The following ZKSCAN5 variants were observed in gnomAD, a reference collection of about 807,000 sequenced individuals.
ZKSCAN5 encodes zinc finger protein with KRAB and SCAN domains 5.
Under a neutral mutation model 60.0 loss-of-function variants are expected in ZKSCAN5, and 28 were observed. The observed-to-expected ratio is 0.47, with a 90% CI of 0.35 to 0.64. The LOEUF (loss-of-function observed/expected upper bound fraction) is 0.64, where lower values mean the gene tolerates loss of function less well. Ranked by LOEUF, ZKSCAN5 falls within the 30% of genes least tolerant of loss-of-function variation. The pLI is 0.01. For missense variants in ZKSCAN5, 881 were observed against 1,034.6 expected, an observed-to-expected ratio of 0.85 and a Z score of 2.04; for synonymous variants, 361 against 371.2, an observed-to-expected ratio of 0.97 and a Z score of 0.31.
At chr7:99,505,976 A>T (rs1800703379) in intron 1 of ZKSCAN5, 29 bp from the exon 2 acceptor site, 2 of 1,547,716 alleles carry the variant, frequency 1.3e-6, no homozygotes, top group Non-Finnish European at 1.8e-6. Flanking sequence ...TTCAGAAGAT[A>T]TTAAAGAGCA....
rs1429586236 is a variant in ZKSCAN5 at position 99,520,719 on chromosome 7, G to T, written c.772+415G>T. ...ACTGTTTAATAGATTGGATAATTTT[G>T]CCAGGTGTGGTAGCTCATGCCTGTA... On this transcript the variant is annotated intron_variant, in intron 5 of 6. Transcript: ENST00000326775. Among the ~76,000 whole-genome samples the T allele has an allele frequency of 3.3e-5, 5 of 152,070 alleles. No individual in the cohort carries two copies. The South Asian group carries it at 1.0e-3, about 31-fold the overall frequency.
chr7:99,528,376 C>T (rs1038588405), intron 6 of ZKSCAN5, among the ~76,000 whole-genome samples: 2 of 152,144 alleles, frequency 1.3e-5, no homozygotes, highest in African/African-American at 4.8e-5. Flanking sequence ...GTTTCTATGG[C>T]TAGTTTCCCA....
Position 99,526,402 on chromosome 7 carries a change from G to A in ZKSCAN5, c.1362G>A (p.Arg454=). 6.3e-7 allele frequency: 1 copy of A among 1,599,570 alleles called. No individual in the cohort carries two copies. The highest frequency in any genetic ancestry group is 8.5e-7 in the Non-Finnish European group (1 of 1,179,384). Residue 454 remains arginine (R), a synonymous_variant, in exon 6 of 7, where the codon AGG becomes AGA. Transcript: ENST00000326775. The part of the protein sequence containing the change: ...HLIEHLKRHF[R]EKSQRCSDKR... The stretch of plus-strand genomic sequence containing the variant: ...TCGAACACCTAAAACGCCACTTCAG[G>A]GAGAAATCCCAGAGATGTACGTGTG...
intron 6 of ZKSCAN5, among the ~76,000 whole-genome samples, 192 bp downstream of exon 6, chr7:99,526,610 A>C (rs1801806246): frequency 6.6e-6 from 1 of 152,176 alleles, no homozygotes; most frequent in Admixed American, 6.5e-5. Flanking sequence ...GCTGGAGTGC[A>C]GTGGCGAGAT....
intron 3 of ZKSCAN5, among the ~76,000 whole-genome samples, chr7:99,518,237 G>C (rs946151772): frequency 6.6e-6 from 1 of 151,898 alleles, no homozygotes; most frequent in African/African-American, 2.4e-5. Context: ...CCTGGACAAC[G>C]TGGTGACACC....
Position 99,510,990 on chromosome 7 carries a change from C to T in ZKSCAN5, c.415-1463C>T, listed in dbSNP as rs550161108. Among the ~76,000 whole-genome samples, 13 of 152,266 alleles carry T rather than the reference C, an allele frequency of 8.5e-5. No homozygotes were observed. In the South Asian group the frequency reaches 1.7e-3, roughly 19 times the overall value. On this transcript the variant is annotated intron_variant, in intron 2 of 6. Coordinates refer to ENST00000326775, the MANE Select transcript of ZKSCAN5 (RefSeq NM_145102.4). ...AACTCCTGAGCTCAAGTCATCCACC[C>T]GCTTCTGCCTCCCAATGTGTTGGGA...
chr7:99,513,297 A>G (rs1481460609), intron 3 of ZKSCAN5, among the ~76,000 whole-genome samples: 3 of 152,050 alleles, frequency 2.0e-5, no homozygotes, highest in Non-Finnish European at 2.9e-5. Flanking sequence ...TTAAAAACCT[A>G]CAACGCAAAT....
At position 99,525,905 on chromosome 7, in the gene ZKSCAN5, A is replaced by G. The variant is rs747017553; in HGVS notation, c.865A>G (p.Ser289Gly). The G allele has an allele frequency of 6.2e-7, 1 of 1,614,056 alleles. No individual in the cohort carries two copies. The highest frequency in any genetic ancestry group is 1.7e-5 in the Admixed American group (1 of 59,982). ...GGTGGCGCCAGAACACACCGAAAGG[A>G]GCGTTCCTCAGGATCCAGACTTTGC... is the stretch of plus-strand genomic sequence containing the variant. Reference protein sequence around the residue: ...HWVAPEHTERSVPQDPDFAEV... With the variant: ...HWVAPEHTERGVPQDPDFAEV... Residue 289 changes from serine (S) to glycine (G), a missense_variant, in exon 6 of 7, where the codon AGC becomes GGC. By Grantham distance (56) the Ser-to-Gly change is moderately conservative. Around this residue, in one of 5 missense-constraint regions of ZKSCAN5, gnomAD observed 490 missense variants for 554.5 expected, o/e 0.88. Transcript: ENST00000326775.
chr7:99,509,185 C>T (rs150271359), intron 2 of ZKSCAN5, among the ~76,000 whole-genome samples: 43 of 152,182 alleles, frequency 2.8e-4, no homozygotes, highest in African/African-American at 9.4e-4. Flanking sequence ...GACAGGGTTT[C>T]GCCATGTTGG....
chr7:99,533,598 G>A lies in ZKSCAN5; in HGVS notation c.*1349G>A. On this transcript the variant is annotated 3_prime_UTR_variant, in exon 7 of 7. Coordinates refer to ENST00000326775, the MANE Select transcript of ZKSCAN5 (RefSeq NM_145102.4). ...GGAGAATTGCCCTCAGGAGATGAGA[G>A]CCATCTCACCTCACCCAGGAGTCAC... The A allele has an allele frequency of 2.5e-6, 1 of 407,532 alleles. No individual in the cohort carries two copies. The highest frequency in any genetic ancestry group is 3.5e-5 in the East Asian group (1 of 28,418). 25.2% of individuals were successfully genotyped at this position (407,532 alleles called of 1,614,324 possible).
At chr7:99,506,849 ATTTT>A (rs34098119) in intron 2 of ZKSCAN5, among the ~76,000 whole-genome samples, 1 of 125,920 alleles carries the variant, frequency 7.9e-6, no homozygotes, top group Admixed American at 8.0e-5. Flanking sequence ...GGCCCGGCTA[ATTTT>A]TTTTTTTTTT....
chr7:99,515,489 ATCCT>A (rs1801224014), intron 3 of ZKSCAN5, among the ~76,000 whole-genome samples: 1 of 152,136 alleles, frequency 6.6e-6, no homozygotes, highest in African/African-American at 2.4e-5. Context: ...CCAACAGGTA[ATCCT>A]TCCAGTAGCT....
chr7:99,525,952 C>A lies in ZKSCAN5; in HGVS notation c.912C>A (p.Gly304=), dbSNP rs1301948341. ...PDFAEVSDLK[G]MVQRWQVNPT... ...TTGCAGAAGTCAGTGACCTTAAAGG[C>A]ATGGTACAAAGGTGGCAGGTCAACC... Residue 304 remains glycine, a synonymous_variant, in exon 6 of 7, where the codon GGC becomes GGA. Transcript: ENST00000326775. 2 of 1,614,038 alleles carry A rather than the reference C, an allele frequency of 1.2e-6. No homozygotes were observed. Among genetic ancestry groups the A allele is most frequent in the East Asian group, 2.2e-5 (1 of 44,858 alleles).
At chr7:99,526,520 G>A (rs774379876) in intron 6 of ZKSCAN5, 102 bp downstream of exon 6, 23 of 1,493,054 alleles carry the variant, frequency 1.5e-5, no homozygotes, top group African/African-American at 9.8e-5. Flanking sequence ...GATACTGGGG[G>A]GGGTAGGAAG....
intron 2 of ZKSCAN5, among the ~76,000 whole-genome samples, chr7:99,511,107 A>G (rs1801002703): frequency 6.6e-6 from 1 of 152,198 alleles, no homozygotes; most frequent in African/African-American, 2.4e-5. Context: ...ATTCGAAAAA[A>G]AAGTGCTTTG....
rs1249017317 is a variant in ZKSCAN5, at chr7:99,519,754, A to G, written c.554-73A>G. On this transcript the variant is annotated intron_variant, in intron 3 of 6. Coordinates refer to ENST00000326775, the MANE Select transcript of ZKSCAN5 (RefSeq NM_145102.4). The stretch of plus-strand genomic sequence containing the variant: ...TAGGGGCCATTATGGATTCCTGAGC[A>G]TAAGAGGAACATGATGGCAATGAGA... 21 of 1,461,086 alleles carry G rather than the reference A, an allele frequency of 1.4e-5. 1 individual carries two copies. In the East Asian group the frequency reaches 2.7e-4, roughly 19 times the overall value. The allele number at this position is 1,461,086 out of a possible 1,614,324, so 90.5% of individuals were successfully genotyped here.
rs768508907 is a variant in ZKSCAN5 at position 99,532,241 on chromosome 7, C to T, written c.2512C>T (p.Leu838=). Residue 838 remains leucine (L), a synonymous_variant, in exon 7 of 7, where the codon CTG becomes TTG. Transcript: ENST00000326775. ...AAATACCTTAAGTGTAGAGGGGTCT[C>T]TGTTGTAGAATAGCTCTTAATTTTA... is the stretch of plus-strand genomic sequence containing the variant. The part of the protein sequence containing the change: ...PINTLSVEGS[L]L 1.2e-5 allele frequency: 19 copies of T among 1,573,408 alleles called. 1 individual carries two copies. In the South Asian group the frequency reaches 2.0e-4, roughly 17 times the overall value.
intron 5 of ZKSCAN5, among the ~76,000 whole-genome samples, chr7:99,522,414 G>A (rs1016464009): frequency 2.0e-5 from 3 of 152,068 alleles, no homozygotes; most frequent in African/African-American, 4.8e-5. Flanking sequence ...GTCTCTAAAG[G>A]GGAAGAGAGT....
intron 3 of ZKSCAN5, among the ~76,000 whole-genome samples, chr7:99,514,320 T>TC (rs1166154497): frequency 6.6e-6 from 1 of 152,220 alleles, no homozygotes; most frequent in Non-Finnish European, 1.5e-5. Flanking sequence ...AGTTTCATGA[T>TC]TCTCATTAGA....
Sources: gnomAD v4.1 joint callset for allele counts (sites outside exome capture counted in the v4.1 genomes callset) on GRCh38, gnomAD v4.1.1 for gene constraint, gnomAD v4.1.1 regional missense constraint, MANE v1.5 for transcripts, NCBI Gene and HGNC (gene_info 2026-07-23, HGNC 2026-07-21) for gene names.